The following ARMC1 variants were observed in gnomAD, a reference collection of about 807,000 sequenced individuals.
The protein encoded by ARMC1 is armadillo repeat containing 1, also known as armadillo repeat-containing protein 1.
ARMC1 carries 16 observed loss-of-function variants against 31.4 expected under a neutral mutation model. The ratio of observed to expected loss-of-function variants is 0.51; its 90% CI spans 0.34 to 0.77. The LOEUF is 0.77. Ranked by LOEUF, ARMC1 falls within the 30% of genes least tolerant of loss-of-function variation. ARMC1 has a pLI of 0.01. For missense variants in ARMC1, 259 were observed against 347.5 expected (o/e 0.75, Z 2.02); for synonymous variants, 114 against 118.9 (o/e 0.96, Z 0.27).
chr8:65,620,388 G>A (rs13281155), intron 3 of ARMC1, among the ~76,000 whole-genome samples: 93,477 of 145,278 alleles, frequency 0.64, 29,914 homozygotes, highest in African/African-American at 0.7. Context: ...TGCAACCTCT[G>A]CCTCCCGAGT....
chr8:65,630,744 G>A (rs371553154), intron 1 of ARMC1, among the ~76,000 whole-genome samples: 10 of 151,976 alleles, frequency 6.6e-5, no homozygotes, highest in Non-Finnish European at 1.2e-4. Flanking sequence ...GCTTGAACCC[G>A]GGAGGCGGAG....
intron 1 of ARMC1, among the ~76,000 whole-genome samples, chr8:65,631,522 C>T (rs1305400601): frequency 6.6e-6 from 1 of 152,158 alleles, no homozygotes; most frequent in Non-Finnish European, 1.5e-5. Context: ...GCGTGAGCCA[C>T]CACGCCTGGC....
At chr8:65,628,023 C>A (rs1259373737) in intron 1 of ARMC1, among the ~76,000 whole-genome samples, 2 of 152,138 alleles carry the variant, frequency 1.3e-5, no homozygotes, top group Non-Finnish European at 2.9e-5. Flanking sequence ...ATACCTCTGT[C>A]CATCTGATTA....
At chr8:65,612,903 G>A (rs907010193) in intron 4 of ARMC1, among the ~76,000 whole-genome samples, 2 of 151,864 alleles carry the variant, frequency 1.3e-5, no homozygotes, top group Non-Finnish European at 1.5e-5. Context: ...ATAAAAATTA[G>A]GTTAAATTGG....
chr8:65,622,144 C>G, intron 3 of ARMC1, 119 bp downstream of exon 3: 1 of 729,122 alleles, frequency 1.4e-6, no homozygotes, highest in Non-Finnish European at 2.3e-6. Context: ...AATTCCAGCA[C>G]TTTGGAAAGC....
At chr8:65,625,110 A>T (rs898733443) in intron 2 of ARMC1, among the ~76,000 whole-genome samples, 3 of 152,156 alleles carry the variant, frequency 2.0e-5, no homozygotes, top group Non-Finnish European at 4.4e-5. Context: ...GGCAAGAGCA[A>T]AAACTCTGTC....
chr8:65,629,620 GA>G (rs1017495177), intron 1 of ARMC1, among the ~76,000 whole-genome samples: 2 of 151,956 alleles, frequency 1.3e-5, no homozygotes, highest in African/African-American at 2.4e-5. Context: ...CCATCGTGGT[GA>G]AACCCCGTCT....
chr8:65,608,839 G>A (rs1435707480), intron 4 of ARMC1, among the ~76,000 whole-genome samples: 1 of 152,054 alleles, frequency 6.6e-6, no homozygotes, highest in East Asian at 1.9e-4. Flanking sequence ...AACCTGGGAG[G>A]TGGACGTTGC....
chr8:65,612,872 T>TA (rs1275998079), intron 4 of ARMC1, among the ~76,000 whole-genome samples: 4 of 151,912 alleles, frequency 2.6e-5, no homozygotes, highest in African/African-American at 7.2e-5. Context: ...AAAAAATATA[T>TA]AAAAAAATAA....
rs141443246 is a variant in ARMC1, at chr8:65,602,828, G to GTTTTTTTTT, written c.*1557_*1565dup. 1 of 141,268 alleles carries GTTTTTTTTT rather than the reference G, an allele frequency of 7.1e-6. No individual in the cohort carries two copies. 8.8% of individuals were successfully genotyped at this position (141,268 alleles called of 1,614,324 possible). ...CCTGAAAGTTATTGTTGCTTTTTTT[G>GTTTTTTTTT]TTTTTTTTTTTTCAGTTTGTGCGTG... On this transcript the variant is annotated 3_prime_UTR_variant, in exon 7 of 7. Coordinates refer to ENST00000276569, the MANE Select transcript of ARMC1 (RefSeq NM_018120.6).
chr8:65,616,053 G>C (rs1372671784), intron 3 of ARMC1, among the ~76,000 whole-genome samples: 1 of 152,144 alleles, frequency 6.6e-6, no homozygotes, highest in Non-Finnish European at 1.5e-5. Flanking sequence ...TGTTTAATAT[G>C]CTTAATGAAG....
At chr8:65,620,799 T>TAA (rs112946805) in intron 3 of ARMC1, among the ~76,000 whole-genome samples, 1 of 139,144 alleles carries the variant, frequency 7.2e-6, no homozygotes, top group African/African-American at 2.7e-5. Context: ...TAGTTCCATT[T>TAA]AAAAAAAAAC....
intron 1 of ARMC1, among the ~76,000 whole-genome samples, chr8:65,628,391 A>ATTTTTTTTTT (rs763494218): frequency 1.5e-4 from 12 of 78,816 alleles, no homozygotes; most frequent in Non-Finnish European, 1.9e-4. Context: ...CGCCCGGCTA[A>ATTTTTTTTTT]TTTTTTTTTT....
chr8:65,624,576 T>C (rs1456123519), intron 2 of ARMC1, among the ~76,000 whole-genome samples: 1 of 151,612 alleles, frequency 6.6e-6, no homozygotes, highest in African/African-American at 2.4e-5. Flanking sequence ...ATATATACAC[T>C]GTAGGTTTTT....
chr8:65,613,044 A>G lies in ARMC1; in HGVS notation c.465+200T>C, dbSNP rs77877936. 3.8e-3 allele frequency among the ~76,000 whole-genome samples: 581 copies of G among 152,248 alleles called. 2 individuals carry two copies. The highest frequency in any genetic ancestry group is 6.8e-3 in the Middle Eastern group (2 of 294). ...CCCATTTCTCTAAGTTTTACTTCAT[A>G]TATTTCGATGTTCTATTATTAGGGA... On this transcript the variant is annotated intron_variant, in intron 4 of 6. Transcript: ENST00000276569.
chr8:65,622,212 A>G (rs755791122), intron 3 of ARMC1, 51 bp downstream of exon 3: 37 of 1,429,972 alleles, frequency 2.6e-5, no homozygotes, highest in Non-Finnish European at 3.4e-5. Context: ...CCTGTAAGTA[A>G]GTAATATAAG....
intron 3 of ARMC1, among the ~76,000 whole-genome samples, chr8:65,619,470 A>G (rs2129042836): frequency 6.6e-6 from 1 of 152,218 alleles, no homozygotes; most frequent in Non-Finnish European, 1.5e-5. Context: ...ACCGAGAGGA[A>G]GAGATTGCAG....
At chr8:65,624,784 T>C (rs900189267) in intron 2 of ARMC1, among the ~76,000 whole-genome samples, 4 of 151,554 alleles carry the variant, frequency 2.6e-5, no homozygotes, top group Middle Eastern at 3.4e-3. Context: ...CAAAAGTGTA[T>C]ACTAATAAGC....
At chr8:65,629,412 A>C (rs1808587160) in intron 1 of ARMC1, among the ~76,000 whole-genome samples, 1 of 152,194 alleles carries the variant, frequency 6.6e-6, no homozygotes, top group African/African-American at 2.4e-5. Context: ...GATAGGCAAA[A>C]TGAGGAGATG....
Sources: gnomAD v4.1 joint callset for allele counts (sites outside exome capture counted in the v4.1 genomes callset) on GRCh38, gnomAD v4.1.1 for gene constraint, MANE v1.5 for transcripts, NCBI Gene and HGNC (gene_info 2026-07-23, HGNC 2026-07-21) for gene names.